The following LRP1 variants were observed in gnomAD, a reference collection of about 807,000 sequenced individuals.
The protein encoded by LRP1 is LDL receptor related protein 1.
Under a neutral mutation model 541.5 loss-of-function variants are expected in LRP1, and 51 were observed. That is an observed-to-expected ratio of 0.09 (90% CI 0.08 to 0.12). The LOEUF (loss-of-function observed/expected upper bound fraction) is 0.12. Ranked by LOEUF, LRP1 falls within the 10% of genes least tolerant of loss-of-function variation. The probability of loss-of-function intolerance (pLI) is 1.00; values close to 1 mark genes in which losing one functional copy is unlikely to be tolerated. For synonymous variants in LRP1, 2,219 were observed against 2,470.8 expected, an observed-to-expected ratio of 0.90 and a Z score of 3.02; for missense variants, 3,878 against 6,376.2, an observed-to-expected ratio of 0.61 and a Z score of 13.34.
In LRP1 at chr12:57,191,452, C is replaced by T. The variant is rs1374340095; in HGVS notation, c.7369C>T (p.Arg2457Cys). 7.4e-6 allele frequency: 12 copies of T among 1,611,820 alleles called. No individual in the cohort carries two copies. Among genetic ancestry groups the T allele is most frequent in the Non-Finnish European group, 1.0e-5 (12 of 1,178,526 alleles). ...CGTGGGCAGCAACATGAAGCTGCTGCGCGTGGACATCCCCCAGCAGCCCAT... is the reference window on the plus strand; with the variant it reads ...CGTGGGCAGCAACATGAAGCTGCTGTGCGTGGACATCCCCCAGCAGCCCAT... The part of the protein sequence containing the change: ...KHVGSNMKLL[R>C]VDIPQQPMGI... The change falls in exon 44 of 89, where the codon CGC (arginine) becomes TGC (cysteine). Residue 2457 changes from arginine to cysteine, a missense_variant. Arg to Cys is a radical substitution (Grantham distance 180, BLOSUM62 -3). Transcript: ENST00000243077.
In LRP1 at chr12:57,165,519, G is replaced by C; in HGVS notation, c.2531-286G>C. On this transcript the variant is annotated intron_variant, in intron 15 of 88. Coordinates refer to ENST00000243077, the MANE Select transcript of LRP1 (RefSeq NM_002332.3). The surrounding 1 kb of genome is among the most constrained non-coding windows in gnomAD (Gnocchi z 4.5). ...GGGAAGGAGTGGGGAGAGCCTGTTC[G>C]GTGGTGACAGAGGTATAGAGGCCAT... The C allele has an allele frequency of 3.4e-6, 1 of 297,248 alleles. No homozygotes were observed. Among genetic ancestry groups the C allele is most frequent in the Non-Finnish European group, 6.3e-6 (1 of 158,294 alleles). The allele number at this position is 297,248 out of a possible 1,614,324, so 18.4% of individuals were successfully genotyped here.
chr12:57,204,246 G>A lies in LRP1; in HGVS notation c.10952-164G>A, dbSNP rs1436982331. On this transcript the variant is annotated intron_variant, in intron 70 of 88. Coordinates refer to ENST00000243077, the MANE Select transcript of LRP1 (RefSeq NM_002332.3). The surrounding 1 kb of genome is among the most constrained non-coding windows in gnomAD (Gnocchi z 5.3). Reference sequence around the variant, plus strand: ...CCTCTTCTCCCCTAAATACCAGAGGGGGCAGTTTGGCCCCACCAAGTAGAA... The same window carrying A: ...CCTCTTCTCCCCTAAATACCAGAGGAGGCAGTTTGGCCCCACCAAGTAGAA... The A allele has an allele frequency of 5.3e-6, 4 of 761,128 alleles. No individual in the cohort carries two copies. The highest frequency in any genetic ancestry group is 1.7e-5 in the African/African-American group (1 of 57,272). The allele number at this position is 761,128 out of a possible 1,614,324, so 47.1% of individuals were successfully genotyped here. A position where few individuals can be genotyped will look rare whatever the true frequency, so the allele number is the denominator to read the frequency against.
chr12:57,179,646 CCTT>C lies in LRP1; in HGVS notation c.4966+93_4966+95del, dbSNP rs1182266483. ...CCCTGGTCTACTTGGTCCGAGTGGT[CCTT>C]CTCCCAGTCCTGTTCCCCCTCAGTG... On this transcript the variant is annotated intron_variant, in intron 29 of 88. Coordinates refer to ENST00000243077, the MANE Select transcript of LRP1 (RefSeq NM_002332.3). This position sits in a 1 kb window ranked among gnomAD's most constrained non-coding sequence, Gnocchi z 6.8. 2 of 1,428,210 alleles carry C rather than the reference CCTT, an allele frequency of 1.4e-6. No homozygotes were observed. The highest frequency in any genetic ancestry group is 2.0e-6 in the Non-Finnish European group (2 of 1,023,968). 88.5% of individuals were successfully genotyped at this position (1,428,210 alleles called of 1,614,324 possible). A position where few individuals can be genotyped will look rare whatever the true frequency, so the allele number is the denominator to read the frequency against.
chr12:57,203,964 T>A (rs2036712618), intron 70 of LRP1: 1 of 191,752 alleles, frequency 5.2e-6, no homozygotes, highest in African/African-American at 2.3e-5. Context: ...AAGCCCGGGA[T>A]GAGAAAAGAC....
intron 41 of LRP1, 141 bp from the exon 42 acceptor site, chr12:57,187,126 T>C: frequency 1.3e-6 from 1 of 779,972 alleles, no homozygotes; most frequent in South Asian, 1.9e-5. Flanking sequence ...CCGAGCCCTC[T>C]CTGCTGCACC....
intron 3 of LRP1, among the ~76,000 whole-genome samples, chr12:57,143,422 A>T (rs2035336828): frequency 6.6e-6 from 1 of 152,246 alleles, no homozygotes; most frequent in Non-Finnish European, 1.5e-5. Context: ...GAGGTAGCCC[A>T]GAACATCCAG....
rs369984474 is a variant in LRP1, at chr12:57,167,514, A to G, written c.2985A>G (p.Arg995=). The change falls in exon 19 of 89, where the codon AGA becomes AGG. Residue 995 remains arginine, a synonymous_variant. Transcript: ENST00000243077. ...NNGRCININW[R]CDNDNDCGDN... Reference sequence around the variant, plus strand: ...GCAGATGTATCAACATCAACTGGAGATGCGACAATGGTAAGAGCTTGCTCT... The same window carrying G: ...GCAGATGTATCAACATCAACTGGAGGTGCGACAATGGTAAGAGCTTGCTCT... 1.8e-4 allele frequency: 288 copies of G among 1,613,876 alleles called. No homozygotes were observed. The highest frequency in any genetic ancestry group is 4.2e-4 in the Admixed American group (25 of 60,014).
rs2035862007 is a variant in LRP1, at chr12:57,167,453, C to T, written c.2924C>T (p.Thr975Ile). The T allele has an allele frequency of 6.2e-7, 1 of 1,613,668 alleles. No individual in the cohort carries two copies. The highest frequency in any genetic ancestry group is 1.3e-5 in the African/African-American group (1 of 74,898). ...TCTTTCTTCCTCACAGCCTATCCCA[C>T]CTGCTTCCCCCTGACTCAGTTTACC... ...SDESASCAYP[T>I]CFPLTQFTCN... The change falls in exon 19 of 89, where the codon ACC becomes ATC. Residue 975 changes from threonine (T) to isoleucine (I), a missense_variant. By Grantham distance (89) the Thr-to-Ile change is moderately conservative. Around this residue, in one of 13 missense-constraint regions of LRP1, gnomAD observed 320 missense variants for 547.9 expected, o/e 0.58. Coordinates refer to ENST00000243077, the MANE Select transcript of LRP1 (RefSeq NM_002332.3).
chr12:57,160,494 A>G (rs940227940), intron 12 of LRP1, among the ~76,000 whole-genome samples: 1 of 151,464 alleles, frequency 6.6e-6, no homozygotes, highest in African/African-American at 2.4e-5. Context: ...CACTCATGCC[A>G]CCTCCTCATG....
At position 57,192,872 on chromosome 12, in the gene LRP1, A is replaced by G. The variant is rs1282253173; in HGVS notation, c.7457A>G (p.Asn2486Ser). The G allele has an allele frequency of 3.1e-6, 5 of 1,613,780 alleles. No individual in the cohort carries two copies. The highest frequency in any genetic ancestry group is 4.2e-6 in the Non-Finnish European group (5 of 1,179,964). Residue 2486 changes from asparagine (N) to serine (S), a missense_variant, in exon 45 of 89, where the codon AAC becomes AGC. This residue lies in a region of LRP1 where 1,100 missense variants were observed against 1,827.4 expected (regional missense o/e 0.60). Coordinates refer to ENST00000243077, the MANE Select transcript of LRP1 (RefSeq NM_002332.3). ...SCELSPCRIN[N>S]GGCQDLCLLT... is the part of the protein sequence containing the mutation. Reference sequence around the variant, plus strand: ...GAACTCTCTCCATGCCGAATCAACAACGGTGGCTGCCAGGACCTGTGTCTG... The same window carrying G: ...GAACTCTCTCCATGCCGAATCAACAGCGGTGGCTGCCAGGACCTGTGTCTG...
At position 57,128,666 on chromosome 12, in the gene LRP1, T is replaced by C. The variant is rs939342044; in HGVS notation, c.-299T>C. 9.0e-5 allele frequency: 36 copies of C among 397,894 alleles called. No individual in the cohort carries two copies. The highest frequency in any genetic ancestry group is 6.5e-4 in the Admixed American group (15 of 23,070). 24.6% of individuals were successfully genotyped at this position (397,894 alleles called of 1,614,324 possible). A position where few individuals can be genotyped will look rare whatever the true frequency, so the allele number is the denominator to read the frequency against. On this transcript the variant is annotated 5_prime_UTR_variant, in exon 1 of 89. An upstream start codon of the reference 5' UTR is lost. Coordinates refer to ENST00000243077, the MANE Select transcript of LRP1 (RefSeq NM_002332.3). ...TTTGCAGCCGGAGGCGGCTCCGAGATGGGGCTGTGAGCTTCGCCCGGGGAG... is the reference window on the plus strand; with the variant it reads ...TTTGCAGCCGGAGGCGGCTCCGAGACGGGGCTGTGAGCTTCGCCCGGGGAG...
chr12:57,185,282 G>A lies in LRP1; in HGVS notation c.6463+77G>A. ...GGGAGAGTGCTCCCCAGGGAACCCA[G>A]TGTGAGAGGGCTGGGAGACAAGTTA... On this transcript the variant is annotated intron_variant, in intron 40 of 88. Coordinates refer to ENST00000243077, the MANE Select transcript of LRP1 (RefSeq NM_002332.3). The surrounding 1 kb of genome is among the most constrained non-coding windows in gnomAD (Gnocchi z 4.9). The A allele has an allele frequency of 6.4e-7, 1 of 1,573,188 alleles. No individual in the cohort carries two copies. Among genetic ancestry groups the A allele is most frequent in the South Asian group, 1.2e-5 (1 of 85,954 alleles).
At position 57,200,526 on chromosome 12, in the gene LRP1, C is replaced by T. The variant is rs777412096; in HGVS notation, c.10099C>T (p.Pro3367Ser). ...DDCGDHSDEP[P>S]DCPEFKCRPG... ...CTGCGGGGACCACTCAGACGAGCCC[C>T]CGGACTGCCGTGAGTGCCTGCTGGG... The change falls in exon 63 of 89, where the codon CCG (proline) becomes TCG (serine). Residue 3367 changes from proline (P) to serine (S), a missense_variant. Transcript: ENST00000243077. 3.1e-6 allele frequency: 5 copies of T among 1,613,682 alleles called. No individual in the cohort carries two copies. The South Asian group carries it at 4.4e-5, about 14-fold the overall frequency.
At chr12:57,200,409 C>T in intron 62 of LRP1, 33 bp from the exon 63 acceptor site, 1 of 1,242,198 alleles carries the variant, frequency 8.1e-7, no homozygotes. Context: ...CCCAGACCCC[C>T]ACCAACCCCT....
At chr12:57,136,390 T>C (rs2035165346) in intron 1 of LRP1, among the ~76,000 whole-genome samples, 1 of 102,796 alleles carries the variant, frequency 9.7e-6, no homozygotes, top group Non-Finnish European at 2.0e-5. Context: ...CCCTCCCTCC[T>C]AAGAGCCCCC....
In LRP1 at chr12:57,184,791, G is replaced by T; in HGVS notation, c.6187-48G>T. 6.3e-7 allele frequency: 1 copy of T among 1,583,070 alleles called. No homozygotes were observed. Among genetic ancestry groups the T allele is most frequent in the South Asian group, 1.1e-5 (1 of 87,554 alleles). Reference sequence around the variant, plus strand: ...TCCCTGCTGCCCCAGACATGGGGCTGGCAGCGAGCTCAGCCCTGGAGGTGA... The same window carrying T: ...TCCCTGCTGCCCCAGACATGGGGCTTGCAGCGAGCTCAGCCCTGGAGGTGA... On this transcript the variant is annotated intron_variant, in intron 38 of 88. Coordinates refer to ENST00000243077, the MANE Select transcript of LRP1 (RefSeq NM_002332.3). This position sits in a 1 kb window ranked among gnomAD's most constrained non-coding sequence, Gnocchi z 7.8.
chr12:57,195,257 C>G lies in LRP1; in HGVS notation c.8309-14C>G, dbSNP rs781665012. ...CGCTCCTAAGTCTCTCAGTGGCCCT[C>G]TCTCCCCCTACAGAAGGCAAGACGT... On this transcript the variant is annotated splice_polypyrimidine_tract_variant and intron_variant, in intron 51 of 88. Coordinates refer to ENST00000243077, the MANE Select transcript of LRP1 (RefSeq NM_002332.3). 63 of 1,611,900 alleles carry G rather than the reference C, an allele frequency of 3.9e-5. No individual in the cohort carries two copies. Among genetic ancestry groups the G allele is most frequent in the Non-Finnish European group, 5.2e-5 (61 of 1,178,412 alleles).
intron 83 of LRP1, 77 bp downstream of exon 83, chr12:57,210,956 C>G: frequency 6.5e-7 from 1 of 1,536,512 alleles, no homozygotes; most frequent in South Asian, 1.2e-5. Context: ...GATGTTCAAC[C>G]TGTGCCTGGG....
intron 1 of LRP1, among the ~76,000 whole-genome samples, chr12:57,137,891 T>C (rs1475949305): frequency 6.6e-6 from 1 of 151,800 alleles, no homozygotes; most frequent in Non-Finnish European, 1.5e-5. Flanking sequence ...GCTAATACCA[T>C]CTCCAACTAC....
Sources: allele counts gnomAD v4.1 joint callset (sites outside exome capture counted in the v4.1 genomes callset), GRCh38; gene constraint gnomAD v4.1.1; regional missense constraint gnomAD v4.1.1; non-coding constraint Gnocchi (gnomAD v3.1); transcripts MANE v1.5; gene names NCBI Gene and HGNC (gene_info 2026-07-23, HGNC 2026-07-21).